The following HK1 variants were observed in gnomAD, a reference collection of about 807,000 sequenced individuals.
HK1 encodes hexokinase-1.
Under a neutral mutation model 91.6 loss-of-function variants are expected in HK1, and 28 were observed. That is an observed-to-expected ratio of 0.31 (90% CI 0.23 to 0.42). The LOEUF (loss-of-function observed/expected upper bound fraction) is 0.42. Ranked by LOEUF, HK1 falls within the 10% of genes least tolerant of loss-of-function variation. The pLI, the probability that HK1 is intolerant of heterozygous loss-of-function variation, is 1.00. For synonymous variants in HK1, 430 were observed against 468.1 expected, an observed-to-expected ratio of 0.92 and a Z score of 1.05; for missense variants, 770 against 1,219.8, an observed-to-expected ratio of 0.63 and a Z score of 5.49.
At chr10:69,312,873 G>A (rs1846442259), upstream of HK1, among the ~76,000 whole-genome samples, 1 of 152,114 alleles carries the variant, frequency 6.6e-6, no homozygotes, top group South Asian at 2.1e-4. Flanking sequence ...GATCTTTAAG[G>A]GCCTTTCATT....
chr10:69,339,741 C>A (rs1342108726), intron 1 of HK1, among the ~76,000 whole-genome samples: 1 of 152,184 alleles, frequency 6.6e-6, no homozygotes, highest in Non-Finnish European at 1.5e-5. Context: ...CTTCTCCTGT[C>A]CAGCGGGAAA....
At chr10:69,337,914 G>C (rs1248321805) in intron 1 of HK1, 2 of 153,408 alleles carry the variant, frequency 1.3e-5, no homozygotes, top group Admixed American at 1.3e-4. Flanking sequence ...GTTCACTTGG[G>C]CATGTCCAAT....
At chr10:69,309,325 G>A (rs1353954878) in intron 5 of HK1, among the ~76,000 whole-genome samples, 7 of 150,490 alleles carry the variant, frequency 4.7e-5, no homozygotes, top group Non-Finnish European at 1.0e-4. Flanking sequence ...GGAACTACAG[G>A]CACCCGCCAC....
Position 69,392,153 on chromosome 10 carries a change from G to A in HK1, c.2064G>A (p.Glu688=), listed in dbSNP as rs374800288. 35 of 1,614,092 alleles carry A rather than the reference G, an allele frequency of 2.2e-5. No homozygotes were observed. The highest frequency in any genetic ancestry group is 2.6e-5 in the Non-Finnish European group (31 of 1,180,046). ...VGTGSNACYM[E]EMKNVEMVEG... ...CCGGCAGCAATGCCTGCTACATGGA[G>A]GAGATGAAGAACGTGGAGATGGTGG... Residue 688 remains glutamate, a synonymous_variant, in exon 15 of 18, where the codon GAG becomes GAA. Coordinates refer to ENST00000359426, the MANE Select transcript of HK1 (RefSeq NM_000188.3).
At chr10:69,342,633 C>A (rs1848349878) in intron 1 of HK1, among the ~76,000 whole-genome samples, 1 of 152,104 alleles carries the variant, frequency 6.6e-6, no homozygotes, top group Non-Finnish European at 1.5e-5. Context: ...AGAGGCATGA[C>A]TTGATTAGGG....
intron 1 of HK1, among the ~76,000 whole-genome samples, chr10:69,343,533 C>T (rs567969743): frequency 2.0e-5 from 3 of 152,308 alleles, no homozygotes; most frequent in South Asian, 2.1e-4. Flanking sequence ...TGGAGGAAAC[C>T]TACCTCCATC....
intron 1 of HK1, among the ~76,000 whole-genome samples, chr10:69,281,117 T>A (rs1419425151): frequency 6.6e-6 from 1 of 152,154 alleles, no homozygotes; most frequent in African/African-American, 2.4e-5. Flanking sequence ...AATGAGTGAA[T>A]CCACATGATT....
intron 5 of HK1, among the ~76,000 whole-genome samples, chr10:69,309,267 C>T (rs1416891253): frequency 3.3e-5 from 5 of 150,604 alleles, no homozygotes; most frequent in Admixed American, 6.6e-5. Flanking sequence ...CTGCAAGCTC[C>T]GCCTGCTGGG....
At chr10:69,392,462 T>C (rs1346767215) in intron 15 of HK1, among the ~76,000 whole-genome samples, 154 bp downstream of exon 15, 1 of 152,090 alleles carries the variant, frequency 6.6e-6, no homozygotes, top group Non-Finnish European at 1.5e-5. Flanking sequence ...CCTTTGTCTT[T>C]TGGACAGCAG....
At chr10:69,361,528 T>G (rs557076538) in intron 3 of HK1, among the ~76,000 whole-genome samples, 1 of 152,264 alleles carries the variant, frequency 6.6e-6, no homozygotes, top group Non-Finnish European at 1.5e-5. Context: ...CATTCAACAC[T>G]GAGACTCACC....
intron 1 of HK1, among the ~76,000 whole-genome samples, chr10:69,325,389 GC>G (rs1393132704): frequency 1.3e-5 from 2 of 149,504 alleles, no homozygotes; most frequent in East Asian, 4.0e-4. Flanking sequence ...ATGGAGTTCT[GC>G]TCTGTTGCCC....
intron 3 of HK1, among the ~76,000 whole-genome samples, chr10:69,294,776 C>T (rs1845471959): frequency 1.3e-5 from 2 of 152,010 alleles, no homozygotes; most frequent in South Asian, 2.1e-4. Flanking sequence ...GCAAGAGAAT[C>T]GCTTGAACCT....
intron 1 of HK1, among the ~76,000 whole-genome samples, chr10:69,272,289 G>A (rs56224326): frequency 0.03 from 4,564 of 152,286 alleles, 226 homozygotes; most frequent in African/African-American, 0.1. Context: ...AAATTAATTT[G>A]TATTTTTTTC....
At chr10:69,303,124 A>C (rs10762282) in intron 5 of HK1, among the ~76,000 whole-genome samples, 99,802 of 151,744 alleles carry the variant, frequency 0.66, 33,261 homozygotes, top group Non-Finnish European at 0.7. Context: ...AAACTCCAAA[A>C]TAGCATTTGG....
upstream of HK1, among the ~76,000 whole-genome samples, chr10:69,317,220 T>C (rs1049602013): frequency 1.3e-5 from 2 of 152,220 alleles, no homozygotes; most frequent in African/African-American, 4.8e-5. Context: ...ATTCCTTAAG[T>C]GTGTATTATG....
chr10:69,295,768 T>C lies in HK1; in HGVS notation c.-67+88T>C, dbSNP rs1845534198. Reference sequence around the variant, plus strand: ...GCAATCCCCTTTGGGATAATGATTTTCAGCCAGCCAAGCAGCTGTGCAGTG... The same window carrying C: ...GCAATCCCCTTTGGGATAATGATTTCCAGCCAGCCAAGCAGCTGTGCAGTG... On this transcript the variant is annotated intron_variant, in intron 4 of 21. Transcript: ENST00000360289. 9 of 895,934 alleles carry C rather than the reference T, an allele frequency of 1.0e-5. No homozygotes were observed. In the Admixed American group the frequency reaches 1.7e-4, roughly 17 times the overall value. 55.5% of individuals were successfully genotyped at this position (895,934 alleles called of 1,614,324 possible).
chr10:69,338,719 G>A, intron 1 of HK1: 1 of 1,268,812 alleles, frequency 7.9e-7, no homozygotes, highest in South Asian at 1.3e-5. Flanking sequence ...GTAAGTACTT[G>A]TGTGTGTATG....
intron 1 of HK1, among the ~76,000 whole-genome samples, chr10:69,271,886 T>A (rs1267164868): frequency 6.6e-6 from 1 of 151,978 alleles, no homozygotes; most frequent in Non-Finnish European, 1.5e-5. Context: ...TTTTTTGAGA[T>A]GGAGTTTTGC....
chr10:69,294,718 C>T (rs532636130), intron 3 of HK1, among the ~76,000 whole-genome samples: 7 of 152,044 alleles, frequency 4.6e-5, no homozygotes, highest in South Asian at 2.1e-4. Flanking sequence ...AATAATTAGC[C>T]GGGTGTGGTG....
Sources: allele counts gnomAD v4.1 joint callset (sites outside exome capture counted in the v4.1 genomes callset), GRCh38; gene constraint gnomAD v4.1.1; transcripts MANE v1.5; gene names NCBI Gene and HGNC (gene_info 2026-07-23, HGNC 2026-07-21).